The following CDYL2 variants were observed in gnomAD, a reference collection of about 807,000 sequenced individuals.
CDYL2 encodes chromodomain Y-like protein 2.
A neutral mutation model predicts 49.4 loss-of-function variants in CDYL2; 23 were observed. The observed-to-expected ratio is 0.47, with a 90% CI of 0.34 to 0.66. The LOEUF is 0.66. Ranked by LOEUF, CDYL2 falls within the 30% of genes least tolerant of loss-of-function variation. The pLI is 0.01. For synonymous variants in CDYL2, 360 were observed against 268.8 expected (o/e 1.34, Z -3.32); for missense variants, 678 against 656.4 (o/e 1.03, Z -0.36).
chr16:80,801,597 G>A (rs1027124704), intron 1 of CDYL2, among the ~76,000 whole-genome samples: 6 of 152,246 alleles, frequency 3.9e-5, no homozygotes, highest in African/African-American at 1.4e-4. Context: ...TTCTTGAGTA[G>A]AGATTGCGAG....
intron 5 of CDYL2, 137 bp from the exon 6 acceptor site, chr16:80,608,372 G>A: frequency 1.0e-6 from 1 of 957,204 alleles, no homozygotes; most frequent in South Asian, 1.8e-5. Context: ...TTATTTTGGG[G>A]TCAGATAAGC....
chr16:80,609,674 T>G (rs1597120767), intron 5 of CDYL2, among the ~76,000 whole-genome samples: 1 of 152,098 alleles, frequency 6.6e-6, no homozygotes, highest in African/African-American at 2.4e-5. Flanking sequence ...CCCTGGCAGG[T>G]GTGAGTTACA....
At chr16:80,700,919 T>C (rs917809272) in intron 1 of CDYL2, among the ~76,000 whole-genome samples, 1 of 152,200 alleles carries the variant, frequency 6.6e-6, no homozygotes, top group Admixed American at 6.5e-5. Flanking sequence ...GAGCAGGCCA[T>C]GAGTTGTAAC....
chr16:80,754,050 A>G (rs576693611), intron 1 of CDYL2, among the ~76,000 whole-genome samples: 2 of 152,228 alleles, frequency 1.3e-5, no homozygotes, highest in Admixed American at 1.3e-4. Flanking sequence ...CATTCTATGC[A>G]TCATCTTATT....
At chr16:80,760,329 A>T (rs188367002) in intron 1 of CDYL2, among the ~76,000 whole-genome samples, 35 of 152,320 alleles carry the variant, frequency 2.3e-4, no homozygotes, top group African/African-American at 8.2e-4. Flanking sequence ...GCTATCACAG[A>T]CTGTGAAGGG....
intron 1 of CDYL2, among the ~76,000 whole-genome samples, chr16:80,760,199 C>T (rs1287871610): frequency 6.6e-6 from 1 of 152,128 alleles, no homozygotes; most frequent in African/African-American, 2.4e-5. Context: ...CAAGGCACAC[C>T]TCAACTAGGC....
chr16:80,605,757 A>G (rs559127019), intron 6 of CDYL2, among the ~76,000 whole-genome samples: 15 of 152,312 alleles, frequency 9.8e-5, no homozygotes, highest in Non-Finnish European at 2.2e-4. Flanking sequence ...TGTAATAACT[A>G]TAATAATGCC....
intron 2 of CDYL2, among the ~76,000 whole-genome samples, chr16:80,655,439 G>T (rs773909915): frequency 2.0e-5 from 3 of 152,152 alleles, no homozygotes; most frequent in Non-Finnish European, 2.9e-5. Context: ...AAGCTAACAA[G>T]TAACTAATAC....
intron 3 of CDYL2, among the ~76,000 whole-genome samples, chr16:80,624,240 G>A (rs987857035): frequency 6.6e-6 from 1 of 152,112 alleles, no homozygotes; most frequent in African/African-American, 2.4e-5. Context: ...CCACAAACAG[G>A]CTCAGCCCTT....
At chr16:80,640,879 G>T (rs74883294) in intron 2 of CDYL2, among the ~76,000 whole-genome samples, 2 of 152,052 alleles carry the variant, frequency 1.3e-5, no homozygotes, top group South Asian at 2.1e-4. Context: ...CCTGAAGACA[G>T]GCTATTTGAA....
In CDYL2 at chr16:80,799,842, G is replaced by A. The variant is rs951447776; in HGVS notation, c.24+4308C>T. On this transcript the variant is annotated intron_variant, in intron 1 of 6. Coordinates refer to ENST00000570137, the MANE Select transcript of CDYL2 (RefSeq NM_152342.4). ...CATCAGGTGTCTTCTACGTGCCCAAGAATCAATCCAATCCAACTGATAACA... is the reference window on the plus strand; with the variant it reads ...CATCAGGTGTCTTCTACGTGCCCAAAAATCAATCCAATCCAACTGATAACA... Among the ~76,000 whole-genome samples, 4 of 152,164 alleles carry A rather than the reference G, an allele frequency of 2.6e-5. No individual in the cohort carries two copies. In the East Asian group the frequency reaches 7.7e-4, roughly 29 times the overall value.
At chr16:80,731,646 A>T (rs1039333150) in intron 1 of CDYL2, among the ~76,000 whole-genome samples, 5 of 152,172 alleles carry the variant, frequency 3.3e-5, no homozygotes, top group Admixed American at 1.3e-4. Flanking sequence ...ATGGCTTCAG[A>T]TTTCTCAACA....
intron 2 of CDYL2, among the ~76,000 whole-genome samples, chr16:80,644,201 A>G (rs572385569): frequency 6.6e-6 from 1 of 152,226 alleles, no homozygotes; most frequent in Admixed American, 6.5e-5. Flanking sequence ...TTGCTTTGCT[A>G]AAACATAACA....
At chr16:80,650,195 G>C (rs1464790704) in intron 2 of CDYL2, among the ~76,000 whole-genome samples, 2 of 152,158 alleles carry the variant, frequency 1.3e-5, no homozygotes, top group African/African-American at 4.8e-5. Flanking sequence ...CACAGAATGG[G>C]AGAAAACGTG....
rs13331881 is a variant in CDYL2 at position 80,768,350 on chromosome 16, G to C, written c.24+35800C>G. 3.1e-3 allele frequency among the ~76,000 whole-genome samples: 468 copies of C among 152,304 alleles called. 2 individuals carry two copies. The highest frequency in any genetic ancestry group is 0.011 in the African/African-American group (457 of 41,564). On this transcript the variant is annotated intron_variant, in intron 1 of 6. Transcript: ENST00000570137. ...TATCCCCAACATCAACACCTCAAGT[G>C]TTTCTCACCTGCACTAACCAGTGTC...
At chr16:80,755,512 G>C (rs1906280740) in intron 1 of CDYL2, among the ~76,000 whole-genome samples, 1 of 152,130 alleles carries the variant, frequency 6.6e-6, no homozygotes, top group Admixed American at 6.5e-5. Context: ...GGCCAATAAA[G>C]AATCTGGCCA....
chr16:80,690,953 T>C (rs939242212), intron 1 of CDYL2, among the ~76,000 whole-genome samples: 2 of 152,120 alleles, frequency 1.3e-5, no homozygotes, highest in East Asian at 1.9e-4. Context: ...CAATCAAAGA[T>C]TTTGCAGACT....
At chr16:80,785,932 C>A (rs1274920548) in intron 1 of CDYL2, among the ~76,000 whole-genome samples, 1 of 152,116 alleles carries the variant, frequency 6.6e-6, no homozygotes, top group Admixed American at 6.5e-5. Flanking sequence ...GAAGCTGAAC[C>A]CCTTCCTTAC....
At chr16:80,714,979 G>A (rs181835224) in intron 1 of CDYL2, among the ~76,000 whole-genome samples, 2 of 152,222 alleles carry the variant, frequency 1.3e-5, no homozygotes, top group East Asian at 1.9e-4. Context: ...GAGCTGTGGA[G>A]TCACTAAGGA....
Sources: allele counts gnomAD v4.1 joint callset (sites outside exome capture counted in the v4.1 genomes callset), GRCh38; gene constraint gnomAD v4.1.1; transcripts MANE v1.5; gene names NCBI Gene and HGNC (gene_info 2026-07-23, HGNC 2026-07-21).